Variants in LIMCH1 observed in about 807,000 individuals in gnomAD.
LIMCH1 encodes the protein LIM and calponin homology domains-containing protein 1.
LIMCH1 carries 113 observed loss-of-function variants against 176.5 expected under a neutral mutation model. The ratio of observed to expected loss-of-function variants is 0.64; its 90% CI spans 0.55 to 0.75. The LOEUF (loss-of-function observed/expected upper bound fraction) is 0.75, where lower values mean the gene tolerates loss of function less well. Ranked by LOEUF, LIMCH1 falls within the 30% of genes least tolerant of loss-of-function variation. LIMCH1 has a pLI of 0.00. For missense variants in LIMCH1, 1,674 were observed against 1,814.9 expected (o/e 0.92, Z 1.41); for synonymous variants, 619 against 645.9 (o/e 0.96, Z 0.63).
At chr4:41,491,880 G>C (rs1347457215) in intron 1 of LIMCH1, among the ~76,000 whole-genome samples, 1 of 150,472 alleles carries the variant, frequency 6.6e-6, no homozygotes, top group Non-Finnish European at 1.5e-5. Flanking sequence ...CTTCCTCCCA[G>C]ATGGGGCAGC....
At chr4:41,438,730 A>G (rs2154140148) in intron 1 of LIMCH1, among the ~76,000 whole-genome samples, 1 of 151,890 alleles carries the variant, frequency 6.6e-6, no homozygotes, top group Non-Finnish European at 1.5e-5. Context: ...TAAATTTCCA[A>G]TCCGCTGTAA....
intron 1 of LIMCH1, among the ~76,000 whole-genome samples, chr4:41,417,491 T>C (rs1581813657): frequency 6.6e-6 from 1 of 152,150 alleles, no homozygotes; most frequent in East Asian, 1.9e-4. Context: ...CAAGAATTAG[T>C]AGTCGTTATC....
chr4:41,453,285 C>T (rs570918266), intron 1 of LIMCH1, among the ~76,000 whole-genome samples: 1 of 152,268 alleles, frequency 6.6e-6, no homozygotes, highest in South Asian at 2.1e-4. Context: ...GGATTATGGG[C>T]ACTGAACCCC....
intron 24 of LIMCH1, among the ~76,000 whole-genome samples, 195 bp downstream of exon 24, chr4:41,680,293 C>T (rs1019178679): frequency 6.6e-6 from 1 of 152,156 alleles, no homozygotes; most frequent in Non-Finnish European, 1.5e-5. Context: ...AAATACAGTT[C>T]GTGATAAGGG....
intron 1 of LIMCH1, among the ~76,000 whole-genome samples, chr4:41,577,385 G>A (rs1313240445): frequency 1.3e-5 from 2 of 152,118 alleles, no homozygotes; most frequent in Non-Finnish European, 2.9e-5. Context: ...ATACATCCTA[G>A]TGTTAACAGT....
In LIMCH1 at chr4:41,626,804, G is replaced by A. The variant is rs1163265289; in HGVS notation, c.822G>A (p.Glu274=). The A allele has an allele frequency of 6.5e-7, 1 of 1,536,338 alleles. No homozygotes were observed. The highest frequency in any genetic ancestry group is 8.7e-7 in the Non-Finnish European group (1 of 1,146,942). ...FLTHQHGNDS[E]AEGEVVCRLP... is the part of the protein sequence containing the mutation. ...CCCACCAACATGGCAACGATTCAGAGGCAGAAGGTGAAGTTGTGTGTCGAC... is the reference window on the plus strand; with the variant it reads ...CCCACCAACATGGCAACGATTCAGAAGCAGAAGGTGAAGTTGTGTGTCGAC... Residue 274 remains glutamate (E), a synonymous_variant, in exon 8 of 32, where the codon GAG becomes GAA. Transcript: ENST00000503057.
At chr4:41,645,190 G>T (rs1481077353) in intron 15 of LIMCH1, among the ~76,000 whole-genome samples, 1 of 152,150 alleles carries the variant, frequency 6.6e-6, no homozygotes, top group Non-Finnish European at 1.5e-5. Context: ...GGCTGATGAG[G>T]GCTTTGAGAT....
At chr4:41,467,182 C>T (rs190567962) in intron 1 of LIMCH1, among the ~76,000 whole-genome samples, 15,153 of 149,896 alleles carry the variant, frequency 0.1, 1,350 homozygotes, top group African/African-American at 0.22. Flanking sequence ...CACACACACA[C>T]ACACACACAC....
chr4:41,539,009 G>A (rs1176114964), intron 1 of LIMCH1, among the ~76,000 whole-genome samples: 5 of 152,100 alleles, frequency 3.3e-5, no homozygotes, highest in Non-Finnish European at 5.9e-5. Flanking sequence ...ATAAAATCCC[G>A]TCAGACCCGT....
intron 18 of LIMCH1, among the ~76,000 whole-genome samples, chr4:41,653,064 A>ATTAC (rs1267122977): frequency 6.6e-6 from 1 of 152,142 alleles, no homozygotes; most frequent in African/African-American, 2.4e-5. Context: ...GGGGTATTGC[A>ATTAC]TTACTTTCTG....
chr4:41,388,756 C>T (rs1323600381), intron 1 of LIMCH1, among the ~76,000 whole-genome samples: 1 of 152,172 alleles, frequency 6.6e-6, no homozygotes, highest in Non-Finnish European at 1.5e-5. Flanking sequence ...GATTCTTCTG[C>T]CTCAGCTTCC....
rs750386282 is a variant in LIMCH1 at position 41,467,934 on chromosome 4, ACATATCAGAATT to A, written c.97-26599_97-26588del. 5.6e-4 allele frequency among the ~76,000 whole-genome samples: 86 copies of A among 152,338 alleles called. 1 individual carries two copies. The highest frequency in any genetic ancestry group is 1.0e-3 in the South Asian group (5 of 4,828). On this transcript the variant is annotated intron_variant, in intron 1 of 26. Transcript: ENST00000313860. ...TGCGGGACGCCATTCATACAGCGTC[ACATATCAGAATT>A]CAAAAGACGGTGCTTGCCTGATGCT...
At chr4:41,434,450 C>A (rs1425721776) in intron 1 of LIMCH1, among the ~76,000 whole-genome samples, 1 of 152,232 alleles carries the variant, frequency 6.6e-6, no homozygotes, top group East Asian at 1.9e-4. Flanking sequence ...GATTTGCATT[C>A]TCCATCTCTC....
chr4:41,603,648 T>A (rs2090292673), intron 2 of LIMCH1, among the ~76,000 whole-genome samples: 1 of 152,190 alleles, frequency 6.6e-6, no homozygotes, highest in Non-Finnish European at 1.5e-5. Flanking sequence ...ATCGTCTTTT[T>A]ATAGCGTACT....
At chr4:41,381,358 A>G (rs1399723833) in intron 1 of LIMCH1, among the ~76,000 whole-genome samples, 3 of 152,240 alleles carry the variant, frequency 2.0e-5, no homozygotes, top group Non-Finnish European at 4.4e-5. Flanking sequence ...TATCGGTAAT[A>G]CGAAGTGCAG....
At chr4:41,467,156 T>TACACACACACACACAC (rs764604409) in intron 1 of LIMCH1, among the ~76,000 whole-genome samples, 1 of 100,242 alleles carries the variant, frequency 1.0e-5, no homozygotes, top group African/African-American at 5.4e-5. Context: ...TGTATGTATA[T>TACACACACACACACAC]ATACACACAC....
At chr4:41,362,409 T>C (rs941835321) in intron 1 of LIMCH1, among the ~76,000 whole-genome samples, 3 of 152,208 alleles carry the variant, frequency 2.0e-5, no homozygotes, top group Admixed American at 6.5e-5. Flanking sequence ...TGCGTACTTA[T>C]GCTCCCAGGA....
At chr4:41,541,157 A>G (rs564452516) in intron 1 of LIMCH1, among the ~76,000 whole-genome samples, 1 of 152,372 alleles carries the variant, frequency 6.6e-6, no homozygotes, top group Admixed American at 6.5e-5. Flanking sequence ...GCAGTAATGT[A>G]TCATCAACCT....
chr4:41,397,218 G>A (rs1395165978), intron 1 of LIMCH1, among the ~76,000 whole-genome samples: 1 of 152,208 alleles, frequency 6.6e-6, no homozygotes, highest in Non-Finnish European at 1.5e-5. Context: ...GCTGTGTCTG[G>A]TTGTGATGCC....
Sources: gnomAD v4.1 joint callset for allele counts (sites outside exome capture counted in the v4.1 genomes callset) on GRCh38, gnomAD v4.1.1 for gene constraint, MANE v1.5 for transcripts, NCBI Gene and HGNC (gene_info 2026-07-23, HGNC 2026-07-21) for gene names.